PHTF1: variants seen among roughly 807,000 people sequenced by gnomAD.
PHTF1 encodes the protein protein PHTF1.
In PHTF1, 88 loss-of-function variants were observed where a neutral mutation model predicts 102.4. The ratio of observed to expected loss-of-function variants is 0.86; its 90% CI spans 0.72 to 1.03. The LOEUF (loss-of-function observed/expected upper bound fraction) is 1.03. PHTF1 is among the 50% of genes least tolerant of loss of function. The pLI, the probability that PHTF1 is intolerant of heterozygous loss-of-function variation, is 0.00. For missense variants in PHTF1, 814 were observed against 909.5 expected (o/e 0.89, Z 1.35); for synonymous variants, 289 against 305.2 (o/e 0.95, Z 0.55).
chr1:113,737,320 A>AT (rs1655650527), intron 5 of PHTF1, among the ~76,000 whole-genome samples: 1 of 152,242 alleles, frequency 6.6e-6, no homozygotes, highest in Admixed American at 6.5e-5. Context: ...GAAGAGTTCC[A>AT]TTTTTTATAT....
chr1:113,721,618 C>T (rs766002756), intron 7 of PHTF1, among the ~76,000 whole-genome samples: 5 of 152,120 alleles, frequency 3.3e-5, no homozygotes, highest in Non-Finnish European at 7.4e-5. Context: ...CCTACAGATT[C>T]CACCAAAAAA....
At position 113,696,956 on chromosome 1, in the gene PHTF1, A is replaced by G. The variant is rs1648882649; in HGVS notation, c.*749T>C. The G allele has an allele frequency of 6.6e-6, 1 of 152,236 alleles. No individual in the cohort carries two copies. The highest frequency in any genetic ancestry group is 1.5e-5 in the Non-Finnish European group (1 of 68,048). The allele number at this position is 152,236 out of a possible 1,614,324, so 9.4% of individuals were successfully genotyped here. A position where few individuals can be genotyped will look rare whatever the true frequency, so the allele number is the denominator to read the frequency against. On this transcript the variant is annotated 3_prime_UTR_variant, in exon 19 of 19. Transcript: ENST00000369604. Reference sequence around the variant, plus strand: ...AACTCAGATGATCTATATGGAAACAATGCTTCCATGGCTTCCACATAGAAC... The same window carrying G: ...AACTCAGATGATCTATATGGAAACAGTGCTTCCATGGCTTCCACATAGAAC...
intron 11 of PHTF1, among the ~76,000 whole-genome samples, chr1:113,708,506 A>G (rs780419147): frequency 6.6e-6 from 1 of 152,100 alleles, no homozygotes; most frequent in African/African-American, 2.4e-5. Context: ...GGCGGCAGGC[A>G]CCTGTAATCC....
chr1:113,740,348 C>T (rs1053283021), intron 3 of PHTF1, among the ~76,000 whole-genome samples: 7 of 151,984 alleles, frequency 4.6e-5, no homozygotes, highest in African/African-American at 1.4e-4. Context: ...TTTCATATAC[C>T]TGTTTGCCAT....
intron 10 of PHTF1, among the ~76,000 whole-genome samples, chr1:113,711,061 A>G (rs1651022213): frequency 6.6e-6 from 1 of 151,956 alleles, no homozygotes; most frequent in African/African-American, 2.4e-5. Context: ...CTGGGAGGGG[A>G]GTGATTCCTG....
rs564326550 is a variant in PHTF1 at position 113,732,223 on chromosome 1, C to A, written c.332-5649G>T. 2.0e-5 allele frequency among the ~76,000 whole-genome samples: 3 copies of A among 152,230 alleles called. No individual in the cohort carries two copies. The South Asian group carries it at 6.2e-4, about 32-fold the overall frequency. ...AATAATGAAGAAATACTTGGCCAGG[C>A]GCGGTGGCTCAGGCCTGTAATCCCA... On this transcript the variant is annotated intron_variant, in intron 5 of 18. Transcript: ENST00000369604.
chr1:113,716,423 C>T (rs1241990834), intron 7 of PHTF1, among the ~76,000 whole-genome samples: 1 of 143,734 alleles, frequency 7.0e-6, no homozygotes, highest in Non-Finnish European at 1.5e-5. Context: ...CAGCTCACTA[C>T]TGCCTCAACG....
chr1:113,697,863 A>G, intron 18 of PHTF1, 138 bp from the exon 19 acceptor site: 1 of 643,328 alleles, frequency 1.6e-6, no homozygotes, highest in South Asian at 1.9e-5. Flanking sequence ...CAACCATAGA[A>G]CATCATAGAG....
chr1:113,723,712 T>C (rs1653363940), intron 7 of PHTF1, among the ~76,000 whole-genome samples: 2 of 152,222 alleles, frequency 1.3e-5, no homozygotes, highest in South Asian at 4.1e-4. Flanking sequence ...GATGTTGGTC[T>C]GGGCAAAGAT....
chr1:113,715,648 CAAAAAAAAAAAAAAAAAA>C (rs60517410), intron 7 of PHTF1, among the ~76,000 whole-genome samples: 4 of 24,960 alleles, frequency 1.6e-4, no homozygotes, highest in South Asian at 6.5e-3. Flanking sequence ...AACCCTGTCT[CAAAAAAAAAAAAAAAAAA>C]AAAAAAAAAA....
chr1:113,740,787 T>C (rs1245808194), intron 3 of PHTF1, among the ~76,000 whole-genome samples: 1 of 151,790 alleles, frequency 6.6e-6, no homozygotes, highest in African/African-American at 2.4e-5. Flanking sequence ...CCCAGCACTT[T>C]GGGAGGGGCC....
At chr1:113,755,292 A>C (rs369263487) in intron 3 of PHTF1, among the ~76,000 whole-genome samples, 3 of 152,084 alleles carry the variant, frequency 2.0e-5, no homozygotes, top group Non-Finnish European at 4.4e-5. Context: ...TTAAGACTTA[A>C]GCATATTAAA....
At chr1:113,757,857 C>T (rs1241836530) in intron 2 of PHTF1, 102 bp from the exon 3 acceptor site, 4 of 732,206 alleles carry the variant, frequency 5.5e-6, no homozygotes, top group Non-Finnish European at 9.8e-6. Flanking sequence ...TATCAATATG[C>T]TATGTGGAAA....
intron 3 of PHTF1, among the ~76,000 whole-genome samples, chr1:113,741,636 T>G (rs955757510): frequency 2.0e-5 from 3 of 152,264 alleles, no homozygotes; most frequent in South Asian, 4.1e-4. Context: ...GAGGTAAAAT[T>G]ATCCAAAGCT....
At chr1:113,699,490 C>A in intron 17 of PHTF1, 2 of 649,442 alleles carry the variant, frequency 3.1e-6, no homozygotes, top group Non-Finnish European at 5.7e-6. Context: ...TGATGGGGAG[C>A]CACTCTTTGT....
chr1:113,751,520 T>A (rs1658077726), intron 3 of PHTF1, among the ~76,000 whole-genome samples: 1 of 152,236 alleles, frequency 6.6e-6, no homozygotes, highest in South Asian at 2.1e-4. Context: ...TCATCCATGA[T>A]GCAGTATGTA....
Position 113,704,703 on chromosome 1 carries a change from T to C in PHTF1, c.1766A>G (p.Asn589Ser). Residue 589 changes from asparagine (N) to serine (S), a missense_variant, in exon 14 of 19, where the codon AAT (asparagine) becomes AGT (serine). Transcript: ENST00000369604. ...ACGCAGTGATAACCATATTTTAATA[T>C]TCTCCACCTTCTTAAGTCTGAAATG... ...IPHFRLKKVENIKIWLSLRSY... is the reference protein window; with the variant it reads ...IPHFRLKKVESIKIWLSLRSY... 1 of 1,590,720 alleles carries C rather than the reference T, an allele frequency of 6.3e-7. No individual in the cohort carries two copies. Among genetic ancestry groups the C allele is most frequent in the African/African-American group, 1.3e-5 (1 of 74,516 alleles).
intron 12 of PHTF1, 39 bp downstream of exon 12, chr1:113,706,555 T>C (rs765073191): frequency 6.5e-7 from 1 of 1,539,810 alleles, no homozygotes; most frequent in Admixed American, 2.1e-5. Flanking sequence ...GATCACTTCG[T>C]ATATTTTTTG....
chr1:113,752,261 C>T (rs529896537), intron 3 of PHTF1, among the ~76,000 whole-genome samples: 1 of 151,290 alleles, frequency 6.6e-6, no homozygotes, highest in Admixed American at 6.6e-5. Flanking sequence ...TTCTTTGTTG[C>T]TATTATAAAA....
Sources: allele counts gnomAD v4.1 joint callset (sites outside exome capture counted in the v4.1 genomes callset), GRCh38; gene constraint gnomAD v4.1.1; transcripts MANE v1.5; gene names NCBI Gene and HGNC (gene_info 2026-07-23, HGNC 2026-07-21).